Variants in H6PD observed in about 807,000 individuals in gnomAD.
H6PD encodes GDH/6PGL endoplasmic bifunctional protein.
H6PD carries 48 observed loss-of-function variants against 61.2 expected under a neutral mutation model. The ratio of observed to expected loss-of-function variants is 0.78; its 90% CI spans 0.62 to 1.00. The LOEUF (loss-of-function observed/expected upper bound fraction) is 1.00. Ranked by LOEUF, H6PD falls within the 50% of genes least tolerant of loss-of-function variation. The probability of loss-of-function intolerance (pLI) is 0.00; values close to 1 mark genes in which losing one functional copy is unlikely to be tolerated. For missense variants in H6PD, 1,093 were observed against 1,065.0 expected (o/e 1.03, Z -0.37); for synonymous variants, 480 against 457.9 (o/e 1.05, Z -0.62).
At position 9,264,025 on chromosome 1, in the gene H6PD, T is replaced by C. The variant is rs943677909; in HGVS notation, c.1532T>C (p.Leu511Ser). The C allele has an allele frequency of 1.9e-5, 30 of 1,614,086 alleles. No homozygotes were observed. Among genetic ancestry groups the C allele is most frequent in the Non-Finnish European group, 2.5e-5 (29 of 1,180,042 alleles). Reference sequence around the variant, plus strand: ...GGAGGAGCTGAGAATGGCCGTCTGTTGGACTTTGAGTTCAGTAGCGGCCGG... The same window carrying C: ...GGAGGAGCTGAGAATGGCCGTCTGTCGGACTTTGAGTTCAGTAGCGGCCGG... ...YPGGAENGRL[L>S]DFEFSSGRLF... Residue 511 changes from leucine (L) to serine (S), a missense_variant, in exon 5 of 5, where the codon TTG (leucine) becomes TCG (serine). Leu to Ser is a moderately radical substitution (Grantham distance 145, BLOSUM62 -2). Transcript: ENST00000377403.
chr1:9,263,522 CA>C lies in H6PD; in HGVS notation c.1030del (p.Ile344LeufsTer13), dbSNP rs776657727. On this transcript the variant is annotated frameshift_variant, in exon 5 of 5. Coordinates refer to ENST00000377403, the MANE Select transcript of H6PD (RefSeq NM_004285.4). LOFTEE classifies it low-confidence loss of function (END_TRUNC). ...CCCTCACCCCAGCCGTCCTAGTGCA[CA>C]TTGACAACCTTCGCTGGGAGGGCGT... ...TPTFAAVLVHIDNLRWEGVPF... is the reference protein window; with the variant it reads ...TPTFAAVLVHXDNLRWEGVPF... 1.9e-6 allele frequency: 3 copies of C among 1,614,056 alleles called. No individual in the cohort carries two copies. The highest frequency in any genetic ancestry group is 2.5e-6 in the Non-Finnish European group (3 of 1,180,014).
chr1:9,254,657 C>G lies in H6PD; in HGVS notation c.746-7402C>G, dbSNP rs1641461769. ...CTTCATCTTCCTGAAGTACCTCTTT[C>G]GTGCTTCTGCTTCCCTGTTCTAAAA... On this transcript the variant is annotated intron_variant, in intron 3 of 4. Coordinates refer to ENST00000377403, the MANE Select transcript of H6PD (RefSeq NM_004285.4). This position sits in a 1 kb window ranked among gnomAD's most constrained non-coding sequence, Gnocchi z 4.6. Among the ~76,000 whole-genome samples, 1 of 152,298 alleles carries G rather than the reference C, an allele frequency of 6.6e-6. No homozygotes were observed. The highest frequency in any genetic ancestry group is 1.5e-5 in the Non-Finnish European group (1 of 68,018).
intron 1 of H6PD, among the ~76,000 whole-genome samples, chr1:9,242,346 T>TAA (rs35486518): frequency 0.22 from 31,834 of 147,542 alleles, 3,599 homozygotes; most frequent in East Asian, 0.43. Flanking sequence ...TAAAAAAACA[T>TAA]AAAAAAAAAA....
Position 9,264,987 on chromosome 1 carries a change from ACAGT to A in H6PD, c.*122_*125del. 1 of 1,090,320 alleles carries A rather than the reference ACAGT, an allele frequency of 9.2e-7. No homozygotes were observed. The highest frequency in any genetic ancestry group is 1.4e-6 in the Non-Finnish European group (1 of 736,428). 67.5% of individuals were successfully genotyped at this position (1,090,320 alleles called of 1,614,324 possible). A position where few individuals can be genotyped will look rare whatever the true frequency, so the allele number is the denominator to read the frequency against. ...CTGGCTCTCCAGAACCTTCTATCCC[ACAGT>A]CAGGCCCCAGAGAGGGCAGGACAAG... On this transcript the variant is annotated 3_prime_UTR_variant, in exon 5 of 5. Coordinates refer to ENST00000377403, the MANE Select transcript of H6PD (RefSeq NM_004285.4).
At position 9,264,602 on chromosome 1, in the gene H6PD, C is replaced by G; in HGVS notation, c.2109C>G (p.Phe703Leu). The part of the protein sequence containing the change: ...MGADGHTASL[F>L]PQSPTGLDGE... ...CCGACGGGCACACAGCCTCCCTCTT[C>G]CCACAGTCACCCACTGGCCTGGATG... Residue 703 changes from phenylalanine to leucine, a missense_variant, in exon 5 of 5, where the codon TTC (phenylalanine) becomes TTG (leucine). Transcript: ENST00000377403. 6.2e-7 allele frequency: 1 copy of G among 1,613,194 alleles called. No homozygotes were observed. The highest frequency in any genetic ancestry group is 8.5e-7 in the Non-Finnish European group (1 of 1,179,942).
In H6PD at chr1:9,263,583, G is replaced by A. The variant is rs146809075; in HGVS notation, c.1090G>A (p.Glu364Lys). The change falls in exon 5 of 5, where the codon GAG (glutamate) becomes AAG (lysine). Residue 364 changes from glutamate (E) to lysine (K), a missense_variant. Coordinates refer to ENST00000377403, the MANE Select transcript of H6PD (RefSeq NM_004285.4). The part of the protein sequence containing the change: ...FILMSGKALD[E>K]RVGYARILFK... ...CCTGATGTCTGGCAAAGCCTTGGAC[G>A]AGAGAGTGGGCTACGCTCGGATCTT... 1.1e-4 allele frequency: 179 copies of A among 1,614,184 alleles called. 1 individual carries two copies. Among genetic ancestry groups the A allele is most frequent in the South Asian group, 2.0e-4 (18 of 91,080 alleles).
chr1:9,261,830 T>A (rs1638308384), intron 3 of H6PD, among the ~76,000 whole-genome samples: 1 of 152,244 alleles, frequency 6.6e-6, no homozygotes, highest in Non-Finnish European at 1.5e-5. Context: ...CTCACGGATT[T>A]GACGCCTTCT....
intron 1 of H6PD, among the ~76,000 whole-genome samples, chr1:9,240,903 G>C (rs9435148): frequency 0.26 from 38,933 of 152,040 alleles, 6,558 homozygotes; most frequent in African/African-American, 0.48. Context: ...TGTTGGAGCC[G>C]TGGGTGCCTC....
In H6PD at chr1:9,270,444, G is replaced by A. The variant is rs1018314723; in HGVS notation, c.*5575G>A. ...ACGGGGCGCCTGCATGCAGGAGGAA[G>A]GACCTGTATTAGCTGGAAATCATCA... is the stretch of plus-strand genomic sequence containing the variant. On this transcript the variant is annotated 3_prime_UTR_variant, in exon 5 of 5. Transcript: ENST00000377403. 2.0e-5 allele frequency: 3 copies of A among 152,232 alleles called. No homozygotes were observed. The highest frequency in any genetic ancestry group is 6.5e-5 in the Admixed American group (1 of 15,286). The allele number at this position is 152,232 out of a possible 1,614,324, so 9.4% of individuals were successfully genotyped here.
intron 3 of H6PD, among the ~76,000 whole-genome samples, chr1:9,259,409 T>A (rs1048626487): frequency 2.0e-5 from 3 of 152,092 alleles, no homozygotes; most frequent in African/African-American, 7.2e-5. Flanking sequence ...GTGGTGGTGT[T>A]ACAACAACTT....
chr1:9,254,110 C>T lies in H6PD; in HGVS notation c.745+7027C>T, dbSNP rs931052229. 2.0e-5 allele frequency among the ~76,000 whole-genome samples: 3 copies of T among 152,180 alleles called. No individual in the cohort carries two copies. Among genetic ancestry groups the T allele is most frequent in the Non-Finnish European group, 4.4e-5 (3 of 68,032 alleles). Reference sequence around the variant, plus strand: ...GGGGCTTATACCTGTAATCCCAGCACTTTGGGAGGCCGAGACGGGTGGATC... The same window carrying T: ...GGGGCTTATACCTGTAATCCCAGCATTTTGGGAGGCCGAGACGGGTGGATC... On this transcript the variant is annotated intron_variant, in intron 3 of 4. Transcript: ENST00000377403. The surrounding 1 kb of genome is among the most constrained non-coding windows in gnomAD (Gnocchi z 4.6).
At position 9,245,110 on chromosome 1, in the gene H6PD, GT is replaced by G. The variant is rs753622383; in HGVS notation, c.180del (p.Phe60LeufsTer8). The G allele has an allele frequency of 2.5e-6, 4 of 1,614,216 alleles. No individual in the cohort carries two copies. The highest frequency in any genetic ancestry group is 3.4e-6 in the Non-Finnish European group (4 of 1,180,026). ...LYLDEAGRGHSFSFHGAALTA... is the reference protein window; with the variant it reads ...LYLDEAGRGHXFSFHGAALTA... ...CTGGATGAAGCGGGGAGGGGTCACAGTTTTAGCTTCCATGGAGCTGCTCTGA... is the reference window on the plus strand; with the variant it reads ...CTGGATGAAGCGGGGAGGGGTCACAGTTTAGCTTCCATGGAGCTGCTCTGA... On this transcript the variant is annotated frameshift_variant, in exon 2 of 5. Transcript: ENST00000377403. LOFTEE classifies it high-confidence loss of function. The surrounding 1 kb of genome is among the most constrained non-coding windows in gnomAD (Gnocchi z 4.8).
chr1:9,270,699 C>T lies in H6PD; in HGVS notation c.*5830C>T, dbSNP rs1638719378. 6.6e-6 allele frequency: 1 copy of T among 152,396 alleles called. No individual in the cohort carries two copies. The highest frequency in any genetic ancestry group is 1.5e-5 in the Non-Finnish European group (1 of 68,172). The allele number at this position is 152,396 out of a possible 1,614,324, so 9.4% of individuals were successfully genotyped here. ...TGCAGGAGAACTAGACGGGCGGGGC[C>T]TGCTGCATCTGGATCATGTTTCTGT... On this transcript the variant is annotated 3_prime_UTR_variant, in exon 5 of 5. Transcript: ENST00000377403.
Position 9,266,800 on chromosome 1 carries a change from A to G in H6PD, c.*1931A>G, listed in dbSNP as rs971525366. ...TTCACACCACTTACTCTGGCCACCA[A>G]CAACAACCCAGGCCAGACAGAGCAT... On this transcript the variant is annotated 3_prime_UTR_variant, in exon 5 of 5. Coordinates refer to ENST00000377403, the MANE Select transcript of H6PD (RefSeq NM_004285.4). The G allele has an allele frequency of 6.7e-6, 1 of 149,982 alleles. No individual in the cohort carries two copies. Among genetic ancestry groups the G allele is most frequent in the African/African-American group, 2.5e-5 (1 of 40,648 alleles). 9.3% of individuals were successfully genotyped at this position (149,982 alleles called of 1,614,324 possible). A position where few individuals can be genotyped will look rare whatever the true frequency, so the allele number is the denominator to read the frequency against.
intron 1 of H6PD, among the ~76,000 whole-genome samples, chr1:9,244,505 G>T (rs544641926): frequency 6.6e-6 from 1 of 152,164 alleles, no homozygotes; most frequent in African/African-American, 2.4e-5. Context: ...TCCAACTGTC[G>T]CCTGAGGACC....
At chr1:9,235,890 G>GCAGCGTA (rs1172038289) in intron 1 of H6PD, among the ~76,000 whole-genome samples, 8 of 152,230 alleles carry the variant, frequency 5.3e-5, no homozygotes, top group African/African-American at 1.9e-4. Flanking sequence ...GGGATTACAG[G>GCAGCGTA]TGTGAAGCAC....
At position 9,263,924 on chromosome 1, in the gene H6PD, G is replaced by T; in HGVS notation, c.1431G>T (p.Glu477Asp). The T allele has an allele frequency of 6.2e-7, 1 of 1,614,200 alleles. No homozygotes were observed. The highest frequency in any genetic ancestry group is 8.5e-7 in the Non-Finnish European group (1 of 1,180,034). ...GGAAGAATTTCTTCATCACCACAGA[G>T]AACTTGCTGGCCTCCTGGAACTTCT... ...HGRKNFFITT[E>D]NLLASWNFWT... The change falls in exon 5 of 5, where the codon GAG becomes GAT. Residue 477 changes from glutamate to aspartate, a missense_variant. Physicochemically the swap from Glu to Asp is conservative, Grantham distance 45. Coordinates refer to ENST00000377403, the MANE Select transcript of H6PD (RefSeq NM_004285.4).
chr1:9,264,408 C>G lies in H6PD; in HGVS notation c.1915C>G (p.His639Asp), dbSNP rs149577485. 3 of 1,612,968 alleles carry G rather than the reference C, an allele frequency of 1.9e-6. No homozygotes were observed. In the African/African-American group the frequency reaches 4.0e-5, roughly 21 times the overall value. ...PESNFQGLQA[H>D]LLQHVRIPYY... is the part of the protein sequence containing the mutation. ...GTCCAACTTCCAGGGCCTGCAGGCC[C>G]ACCTGCTGCAGCACGTCCGGATCCC... Residue 639 changes from histidine to aspartate, a missense_variant, in exon 5 of 5, where the codon CAC becomes GAC. Physicochemically the swap from His to Asp is moderately conservative, Grantham distance 81 (BLOSUM62 -1). Coordinates refer to ENST00000377403, the MANE Select transcript of H6PD (RefSeq NM_004285.4).
rs74053633 is a variant in H6PD, at chr1:9,268,302, A to C, written c.*3433A>C. On this transcript the variant is annotated 3_prime_UTR_variant, in exon 5 of 5. Transcript: ENST00000377403. ...CAGCCCAGGGAGCAGCCCCGCTCAG[A>C]ACCCAAGTCCCAAGTTCCAGCACTG... is the stretch of plus-strand genomic sequence containing the variant. The C allele has an allele frequency of 6.6e-6, 1 of 152,030 alleles. No individual in the cohort carries two copies. The highest frequency in any genetic ancestry group is 1.5e-5 in the Non-Finnish European group (1 of 68,130). The allele number at this position is 152,030 out of a possible 1,614,324, so 9.4% of individuals were successfully genotyped here. A position where few individuals can be genotyped will look rare whatever the true frequency, so the allele number is the denominator to read the frequency against.
Sources: gnomAD v4.1 joint callset for allele counts (sites outside exome capture counted in the v4.1 genomes callset) on GRCh38, gnomAD v4.1.1 for gene constraint, Gnocchi (gnomAD v3.1) non-coding constraint, MANE v1.5 for transcripts, NCBI Gene and HGNC (gene_info 2026-07-23, HGNC 2026-07-21) for gene names.